The following THAP5 variants were observed in gnomAD, a reference collection of about 807,000 sequenced individuals.
THAP5 encodes THAP domain-containing protein 5.
A neutral mutation model predicts 34.0 loss-of-function variants in THAP5; 26 were observed. That is an observed-to-expected ratio of 0.77 (90% CI 0.56 to 1.06). The LOEUF (loss-of-function observed/expected upper bound fraction) is 1.06. Ranked by LOEUF, THAP5 falls within the 50% of genes least tolerant of loss-of-function variation. The pLI is 0.00. For missense variants in THAP5, 394 were observed against 452.8 expected (o/e 0.87, Z 1.18); for synonymous variants, 125 against 153.0 (o/e 0.82, Z 1.35).
chr7:108,569,520 T>G lies in THAP5; in HGVS notation c.50A>C (p.Asn17Thr). ...AAAACTCAGCTTCCGGTCTTTATTG[T>G]TTCGTCCCCGGCGGTTCTTACAACA... ...AICCKNRRGRNNKDRKLSFYP... is the reference protein window; with the variant it reads ...AICCKNRRGRTNKDRKLSFYP... Residue 17 changes from asparagine (N) to threonine (T), a missense_variant, in exon 1 of 3, where the codon AAC becomes ACC. By Grantham distance (65) the Asn-to-Thr change is moderately conservative. Transcript: ENST00000415914. 1 of 1,551,800 alleles carries G rather than the reference T, an allele frequency of 6.4e-7. No individual in the cohort carries two copies. Among genetic ancestry groups the G allele is most frequent in the African/African-American group, 1.4e-5 (1 of 73,180 alleles).
At chr7:108,549,578 C>A (rs1049008242), downstream of THAP5, among the ~76,000 whole-genome samples, 1 of 152,304 alleles carries the variant, frequency 6.6e-6, no homozygotes, top group East Asian at 1.9e-4. Flanking sequence ...TACCTTCTAT[C>A]TTCCCAATAT....
downstream of THAP5, among the ~76,000 whole-genome samples, chr7:108,550,572 G>T (rs1864347483): frequency 6.6e-6 from 1 of 152,150 alleles, no homozygotes; most frequent in Non-Finnish European, 1.5e-5. Context: ...AGGACAGCCT[G>T]TGTGGCTTAA....
At chr7:108,544,547 C>CAA in the THAP5 span, among the ~76,000 whole-genome samples, 1 of 150,442 alleles carries the variant, frequency 6.6e-6, no homozygotes, top group East Asian at 2.0e-4. Flanking sequence ...AAAACAAAAA[C>CAA]AAAAACAAAG....
intron 1 of THAP5, chr7:108,569,230 G>GC: frequency 7.3e-7 from 1 of 1,366,862 alleles, no homozygotes; most frequent in Non-Finnish European, 9.4e-7. Context: ...AACCACAGAA[G>GC]CCCGCGCAAA....
At chr7:108,556,222 CTGCCCCT>C (rs1263215056) in intron 1 of THAP5, among the ~76,000 whole-genome samples, 1 of 152,196 alleles carries the variant, frequency 6.6e-6, no homozygotes, top group Non-Finnish European at 1.5e-5. Flanking sequence ...CCATATCATT[CTGCCCCT>C]TGCCCCTCCC....
At position 108,565,177 on chromosome 7, in the gene THAP5, A is replaced by G. The variant is rs1189169793; in HGVS notation, c.274-72T>C. ...CTTATTATGCTAGTGCTATTTAATT[A>G]TAATATTGAGTAGTACACTGGCCAA... is the stretch of plus-strand genomic sequence containing the variant. On this transcript the variant is annotated intron_variant, in intron 2 of 2. Coordinates refer to ENST00000415914, the MANE Select transcript of THAP5 (RefSeq NM_001130475.3). 3.0e-5 allele frequency: 38 copies of G among 1,260,016 alleles called. No individual in the cohort carries two copies. In the East Asian group the frequency reaches 9.2e-4, roughly 30 times the overall value. 78.1% of individuals were successfully genotyped at this position (1,260,016 alleles called of 1,614,324 possible).
chr7:108,565,881 A>AT lies in THAP5; in HGVS notation c.221dup (p.Tyr74Ter). The change falls in exon 2 of 3, where the codon TAT (tyrosine) becomes TAAT (stop). Residue 74 changes from tyrosine (Y) to a stop codon, truncating the protein, a stop_gained and frameshift_variant. Transcript: ENST00000415914. LOFTEE classifies it high-confidence loss of function. ...DSLDIRWGIRYLKQTAVPTIF... is the reference protein window; with the variant it reads ...DSLDIRWGIR ...TTGTTGGAACTGCAGTTTGTTTTAA[A>AT]TATCGAATACCCCATCTGATGTCAA... 1 of 1,547,880 alleles carries AT rather than the reference A, an allele frequency of 6.5e-7. No homozygotes were observed. The highest frequency in any genetic ancestry group is 8.7e-7 in the Non-Finnish European group (1 of 1,146,358).
intron 1 of THAP5, 137 bp downstream of exon 1, chr7:108,569,353 G>A: frequency 1.3e-6 from 2 of 1,498,900 alleles, no homozygotes; most frequent in Non-Finnish European, 1.8e-6. Flanking sequence ...CCTTCCCTCC[G>A]TCTTGCCGCG....
the THAP5 span, among the ~76,000 whole-genome samples, chr7:108,549,353 C>T: frequency 1.3e-5 from 2 of 152,292 alleles, no homozygotes; most frequent in African/African-American, 4.8e-5. Flanking sequence ...ATCTCTTGAC[C>T]TCATGATCCG....
At chr7:108,559,103 C>T (rs1864408581), downstream of THAP5, among the ~76,000 whole-genome samples, 1 of 152,086 alleles carries the variant, frequency 6.6e-6, no homozygotes, top group African/African-American at 2.4e-5. Context: ...AAAGGGGGAA[C>T]AAAACACAGA....
downstream of THAP5, among the ~76,000 whole-genome samples, chr7:108,550,740 C>A (rs1263293155): frequency 1.3e-5 from 2 of 152,164 alleles, no homozygotes; most frequent in African/African-American, 4.8e-5. Flanking sequence ...CTTTGTATGT[C>A]CGAATTTTCT....
At chr7:108,547,074 A>T in the THAP5 span, among the ~76,000 whole-genome samples, 1 of 152,312 alleles carries the variant, frequency 6.6e-6, no homozygotes, top group Non-Finnish European at 1.5e-5. Flanking sequence ...ATGCTTCTTG[A>T]GCATATTATT....
chr7:108,566,325 T>C (rs1466227417), intron 1 of THAP5, among the ~76,000 whole-genome samples: 1 of 152,220 alleles, frequency 6.6e-6, no homozygotes, highest in East Asian at 1.9e-4. Context: ...TCTATTTGTA[T>C]TTTCTATGGA....
At chr7:108,545,418 A>G in the THAP5 span, among the ~76,000 whole-genome samples, 6 of 152,332 alleles carry the variant, frequency 3.9e-5, no homozygotes, top group Middle Eastern at 3.4e-3. Context: ...CTAAGTCTCA[A>G]GTGACAATTT....
the THAP5 span, among the ~76,000 whole-genome samples, chr7:108,543,081 C>T: frequency 1.3e-5 from 2 of 151,912 alleles, no homozygotes; most frequent in South Asian, 2.1e-4. Context: ...TGCCTGTCAC[C>T]ACGCCCGGCT....
chr7:108,568,867 C>T (rs1014147584), intron 1 of THAP5, among the ~76,000 whole-genome samples: 1 of 152,156 alleles, frequency 6.6e-6, no homozygotes, highest in Non-Finnish European at 1.5e-5. Flanking sequence ...CTTGTCTGTA[C>T]TTCTGAATAA....
intron 1 of THAP5, 29 bp from the exon 2 acceptor site, chr7:108,566,051 A>T: frequency 1.3e-6 from 2 of 1,490,004 alleles, no homozygotes; most frequent in Non-Finnish European, 1.8e-6. Context: ...AGAAGAAAAA[A>T]GGAAAAACTT....
chr7:108,569,532 C>T lies in THAP5; in HGVS notation c.38G>A (p.Arg13His), dbSNP rs1308920868. ...CCGGTCTTTATTGTTTCGTCCCCGG[C>T]GGTTCTTACAACAAATCGCTGCGCA... ...RYCAAICCKN[R>H]RGRNNKDRKL... Residue 13 changes from arginine to histidine, a missense_variant, in exon 1 of 3, where the codon CGC becomes CAC. Physicochemically the swap from Arg to His is conservative, Grantham distance 29 (BLOSUM62 0). Transcript: ENST00000415914. The T allele has an allele frequency of 7.7e-6, 12 of 1,551,748 alleles. No individual in the cohort carries two copies. The highest frequency in any genetic ancestry group is 1.0e-5 in the Non-Finnish European group (12 of 1,147,012).
the THAP5 span, among the ~76,000 whole-genome samples, chr7:108,545,351 T>C: frequency 6.6e-6 from 1 of 152,212 alleles, no homozygotes; most frequent in Non-Finnish European, 1.5e-5. Flanking sequence ...AAATTTTTGT[T>C]ATTTTGAGGG....
Sources: allele counts gnomAD v4.1 joint callset (sites outside exome capture counted in the v4.1 genomes callset), GRCh38; gene constraint gnomAD v4.1.1; transcripts MANE v1.5; gene names NCBI Gene and HGNC (gene_info 2026-07-23, HGNC 2026-07-21).